GALNTL6: variants seen among roughly 807,000 people sequenced by gnomAD.
The protein encoded by GALNTL6 is polypeptide N-acetylgalactosaminyltransferase like 6.
GALNTL6 carries 46 observed loss-of-function variants against 73.7 expected under a neutral mutation model. The ratio of observed to expected loss-of-function variants is 0.62; its 90% confidence interval spans 0.49 to 0.80. The LOEUF is 0.80. GALNTL6 is among the 30% of genes least tolerant of loss of function. The pLI is 0.00. For missense variants in GALNTL6, 604 were observed against 755.0 expected (o/e 0.80, Z 2.34); for synonymous variants, 259 against 263.7 (o/e 0.98, Z 0.17).
chr4:172,621,961 G>T (rs1738979167), intron 5 of GALNTL6, among the ~76,000 whole-genome samples: 1 of 152,202 alleles, frequency 6.6e-6, no homozygotes, highest in East Asian at 1.9e-4. Flanking sequence ...TGGGACCGAG[G>T]TTTCTGTGTT....
chr4:172,055,692 T>A (rs1227167599), intron 2 of GALNTL6, among the ~76,000 whole-genome samples: 2 of 152,204 alleles, frequency 1.3e-5, no homozygotes, highest in Non-Finnish European at 2.9e-5. Context: ...TCCTCTGGGC[T>A]GGAGTGGATT....
chr4:172,083,580 T>C (rs1002991221), intron 2 of GALNTL6, among the ~76,000 whole-genome samples: 4 of 152,212 alleles, frequency 2.6e-5, no homozygotes, highest in Non-Finnish European at 5.9e-5. Flanking sequence ...CCCTTATCTC[T>C]TTCTGCTCAA....
intron 2 of GALNTL6, among the ~76,000 whole-genome samples, chr4:172,177,741 ATG>A (rs1252612591): frequency 1.2e-5 from 1 of 86,518 alleles, no homozygotes; most frequent in Non-Finnish European, 2.5e-5. Flanking sequence ...ATATATACAC[ATG>A]TGTATATATA....
chr4:172,468,137 C>T (rs568006175), intron 5 of GALNTL6, among the ~76,000 whole-genome samples: 5 of 152,198 alleles, frequency 3.3e-5, no homozygotes, highest in South Asian at 2.1e-4. Flanking sequence ...AGCAATCCTC[C>T]GCCCTTGGCC....
chr4:172,745,515 C>A (rs543709104), intron 5 of GALNTL6, among the ~76,000 whole-genome samples: 1 of 150,812 alleles, frequency 6.6e-6, no homozygotes, highest in East Asian at 1.9e-4. Flanking sequence ...AATCATCTGA[C>A]CAGCAGTGTG....
chr4:172,761,600 T>G (rs1738097356), intron 5 of GALNTL6, among the ~76,000 whole-genome samples: 1 of 152,084 alleles, frequency 6.6e-6, no homozygotes, highest in Non-Finnish European at 1.5e-5. Flanking sequence ...CATGCTATTC[T>G]AGTGATAGTG....
chr4:172,882,635 A>T (rs951832648), intron 7 of GALNTL6, among the ~76,000 whole-genome samples, 155 bp from the exon 8 acceptor site: 1 of 152,200 alleles, frequency 6.6e-6, no homozygotes, highest in Non-Finnish European at 1.5e-5. Context: ...GAGAGACCCA[A>T]TGAGAACCCT....
At chr4:172,577,748 A>G (rs1176153855) in intron 5 of GALNTL6, among the ~76,000 whole-genome samples, 1 of 152,172 alleles carries the variant, frequency 6.6e-6, no homozygotes, top group East Asian at 1.9e-4. Flanking sequence ...ACCCCATGAG[A>G]AGCACAGGCA....
In GALNTL6 at chr4:172,528,762, T is replaced by C. The variant is rs1735057030; in HGVS notation, c.553+180073T>C. ...ACATTTTTTACCCTTAATCAAACAA[T>C]ATTTTGTTTCATAAGATTATTGTGT... On this transcript the variant is annotated intron_variant, in intron 5 of 12. Coordinates refer to ENST00000506823, the MANE Select transcript of GALNTL6 (RefSeq NM_001034845.3). Among the ~76,000 whole-genome samples the C allele has an allele frequency of 2.0e-5, 3 of 150,702 alleles. No individual in the cohort carries two copies. The South Asian group carries it at 6.3e-4, about 32-fold the overall frequency.
intron 5 of GALNTL6, among the ~76,000 whole-genome samples, chr4:172,498,694 T>C (rs1388720699): frequency 6.6e-6 from 1 of 152,166 alleles, no homozygotes; most frequent in Non-Finnish European, 1.5e-5. Flanking sequence ...TTACATTATA[T>C]AAGGTTGTAG....
At chr4:172,526,550 A>T (rs1734960714) in intron 5 of GALNTL6, among the ~76,000 whole-genome samples, 1 of 152,188 alleles carries the variant, frequency 6.6e-6, no homozygotes, top group Non-Finnish European at 1.5e-5. Flanking sequence ...ATATTCACAT[A>T]AAAGTATTAG....
intron 2 of GALNTL6, among the ~76,000 whole-genome samples, chr4:171,974,167 C>T (rs1044064293): frequency 6.6e-6 from 1 of 150,864 alleles, no homozygotes; most frequent in South Asian, 2.1e-4. Flanking sequence ...ACCCAGCTAA[C>T]CTTTTTTTTT....
intron 2 of GALNTL6, among the ~76,000 whole-genome samples, chr4:172,002,031 T>C (rs1056977742): frequency 1.3e-5 from 2 of 152,058 alleles, no homozygotes; most frequent in Admixed American, 6.6e-5. Flanking sequence ...AGGCTTATGG[T>C]GGGGGAAAAT....
intron 2 of GALNTL6, among the ~76,000 whole-genome samples, chr4:171,852,941 G>T (rs1011165400): frequency 6.6e-5 from 10 of 151,618 alleles, no homozygotes; most frequent in Non-Finnish European, 1.2e-4. Context: ...CCGCCTCCTG[G>T]GTTCACGCCG....
chr4:172,148,615 TG>T (rs1356439277), intron 2 of GALNTL6, among the ~76,000 whole-genome samples: 4 of 152,228 alleles, frequency 2.6e-5, no homozygotes, highest in African/African-American at 9.6e-5. Context: ...AAATTTCCTA[TG>T]CATGTTATAT....
intron 2 of GALNTL6, among the ~76,000 whole-genome samples, chr4:172,206,330 C>G (rs1342518708): frequency 1.3e-5 from 2 of 152,068 alleles, no homozygotes; most frequent in Non-Finnish European, 2.9e-5. Context: ...GATCATGAAA[C>G]ATAAAGAAAA....
chr4:172,667,092 C>T (rs576180735), intron 5 of GALNTL6: 2 of 152,318 alleles, frequency 1.3e-5, no homozygotes, highest in South Asian at 4.1e-4. Flanking sequence ...TCCTCAAATC[C>T]TCTACTCACT....
At chr4:172,404,080 C>A (rs1031729878) in intron 5 of GALNTL6, among the ~76,000 whole-genome samples, 1 of 151,398 alleles carries the variant, frequency 6.6e-6, no homozygotes, top group Non-Finnish European at 1.5e-5. Context: ...TCATTTATTT[C>A]TCTTTCTCTC....
At chr4:172,875,946 C>T (rs1413772243) in intron 7 of GALNTL6, among the ~76,000 whole-genome samples, 3 of 152,148 alleles carry the variant, frequency 2.0e-5, no homozygotes, top group Non-Finnish European at 4.4e-5. Context: ...AATTTCATCT[C>T]ATGTAAAGAT....
Sources: allele counts gnomAD v4.1 joint callset (sites outside exome capture counted in the v4.1 genomes callset), GRCh38; gene constraint gnomAD v4.1.1; transcripts MANE v1.5; gene names NCBI Gene and HGNC (gene_info 2026-07-23, HGNC 2026-07-21).